The following CSMD1 variants were observed in gnomAD, a reference collection of about 807,000 sequenced individuals.
CSMD1 encodes CUB and sushi domain-containing protein 1.
A neutral mutation model predicts 417.5 loss-of-function variants in CSMD1; 213 were observed. The ratio of observed to expected loss-of-function variants is 0.51; its 90% CI spans 0.46 to 0.57. The LOEUF is 0.57. Ranked by LOEUF, CSMD1 falls within the 20% of genes least tolerant of loss-of-function variation. The pLI, the probability that CSMD1 is intolerant of heterozygous loss-of-function variation, is 0.00. For missense variants in CSMD1, 6,923 were observed against 4,529.7 expected (o/e 1.53, Z -15.17); for synonymous variants, 2,862 against 1,736.8 (o/e 1.65, Z -16.11).
intron 23 of CSMD1, among the ~76,000 whole-genome samples, chr8:3,318,886 C>T (rs550486441): frequency 1.4e-4 from 21 of 152,248 alleles, no homozygotes; most frequent in South Asian, 4.2e-4. Context: ...TGACTGTAAA[C>T]TAACACAGGT....
chr8:3,949,881 A>G (rs917445615), intron 5 of CSMD1: 4 of 455,766 alleles, frequency 8.8e-6, no homozygotes, highest in East Asian at 7.0e-5. Flanking sequence ...TTCAGCCCCA[A>G]TTCAAGATTG....
intron 3 of CSMD1, among the ~76,000 whole-genome samples, chr8:4,038,225 A>C (rs1797715341): frequency 6.6e-6 from 1 of 152,170 alleles, no homozygotes; most frequent in South Asian, 2.1e-4. Flanking sequence ...TTTTGTAAAA[A>C]TTTTAATGGG....
chr8:4,441,094 G>GTTTTTTTTTTTTTT (rs1563176229), intron 2 of CSMD1, among the ~76,000 whole-genome samples: 1 of 27,074 alleles, frequency 3.7e-5, no homozygotes, highest in South Asian at 1.8e-3. Context: ...TTAATCAAAA[G>GTTTTTTTTTTTTTT]GTTTTTTTTT....
chr8:3,757,911 G>A (rs1020383327), intron 5 of CSMD1, among the ~76,000 whole-genome samples: 1 of 151,174 alleles, frequency 6.6e-6, no homozygotes, highest in Non-Finnish European at 1.5e-5. Context: ...AAGATAAACA[G>A]ATGATGCATA....
At chr8:3,245,391 C>A (rs1426952761) in intron 26 of CSMD1, among the ~76,000 whole-genome samples, 2 of 152,188 alleles carry the variant, frequency 1.3e-5, no homozygotes, top group Non-Finnish European at 2.9e-5. Context: ...GATAAAGGAC[C>A]AGACTTTTCC....
At chr8:3,640,011 T>C (rs1220701652) in intron 7 of CSMD1, among the ~76,000 whole-genome samples, 1 of 152,204 alleles carries the variant, frequency 6.6e-6, no homozygotes. Flanking sequence ...AGGTGCTCAA[T>C]AAATGTTTGT....
In CSMD1 at chr8:3,796,590, GATAT is replaced by G. The variant is rs1487476806; in HGVS notation, c.819-42552_819-42549del. 3.1e-4 allele frequency among the ~76,000 whole-genome samples: 44 copies of G among 143,348 alleles called. 1 individual carries two copies. Among genetic ancestry groups the G allele is most frequent in the Admixed American group, 2.6e-3 (36 of 14,046 alleles). The allele number at this position is 143,348 out of a possible 152,430, so 94.0% of individuals were successfully genotyped here. ...ATCTATATCTAAGATATAATATATA[GATAT>G]ATATCTATAATGTATAGATGTATAG... On this transcript the variant is annotated intron_variant, in intron 5 of 69. Transcript: ENST00000635120.
At chr8:3,220,682 T>G (rs1798157168) in intron 28 of CSMD1, among the ~76,000 whole-genome samples, 1 of 151,936 alleles carries the variant, frequency 6.6e-6, no homozygotes, top group African/African-American at 2.4e-5. Context: ...AATACAAAAA[T>G]TAGCAGAGCA....
At chr8:4,974,713 C>T (rs1011735881) in intron 1 of CSMD1, among the ~76,000 whole-genome samples, 1 of 152,134 alleles carries the variant, frequency 6.6e-6, no homozygotes, top group African/African-American at 2.4e-5. Context: ...CGAAGGATAA[C>T]ACCTTTGGTC....
chr8:4,022,576 C>G lies in CSMD1; in HGVS notation c.610+9329G>C, dbSNP rs188481707. Among the ~76,000 whole-genome samples, 331 of 152,182 alleles carry G rather than the reference C, an allele frequency of 2.2e-3. 3 individuals carry two copies. The highest frequency in any genetic ancestry group is 0.01 in the Middle Eastern group (3 of 294). On this transcript the variant is annotated intron_variant, in intron 4 of 69. Transcript: ENST00000635120. ...TGAAACAGGGTGTGCATTGAGGGCA[C>G]GAGTAAAGAGAAGCCTCCAAGTTAC...
intron 3 of CSMD1, among the ~76,000 whole-genome samples, chr8:4,231,423 C>T (rs541926115): frequency 1.8e-4 from 28 of 152,244 alleles, no homozygotes; most frequent in African/African-American, 5.8e-4. Context: ...ACAAAAATTA[C>T]GATAAAAGTG....
intron 1 of CSMD1, among the ~76,000 whole-genome samples, chr8:4,774,981 T>G (rs1334282829): frequency 1.3e-5 from 2 of 152,078 alleles, no homozygotes; most frequent in African/African-American, 4.8e-5. Flanking sequence ...TGTTTACAAA[T>G]TACCCAGCCT....
intron 10 of CSMD1, among the ~76,000 whole-genome samples, chr8:3,571,236 G>T (rs1326879346): frequency 1.3e-5 from 2 of 152,130 alleles, no homozygotes; most frequent in African/African-American, 4.8e-5. Flanking sequence ...CTAATTTCTG[G>T]TTTCCTCGGC....
intron 9 of CSMD1, among the ~76,000 whole-genome samples, chr8:3,576,649 G>A (rs981809713): frequency 2.6e-5 from 4 of 152,172 alleles, no homozygotes; most frequent in African/African-American, 7.2e-5. Context: ...CTGGGTTTCC[G>A]AAACTCAGTA....
chr8:3,532,169 G>C (rs138531255), intron 10 of CSMD1, among the ~76,000 whole-genome samples: 72 of 152,182 alleles, frequency 4.7e-4, no homozygotes, highest in African/African-American at 1.7e-3. Flanking sequence ...TTTCTCCTAT[G>C]AAATTTCTGC....
At chr8:4,910,499 C>G (rs940173290) in intron 1 of CSMD1, among the ~76,000 whole-genome samples, 1 of 152,158 alleles carries the variant, frequency 6.6e-6, no homozygotes, top group Non-Finnish European at 1.5e-5. Context: ...TAGAAGGCAC[C>G]TTCCCGCTGT....
At chr8:2,943,063 T>C (rs1244378236) in intron 68 of CSMD1, among the ~76,000 whole-genome samples, 2 of 152,168 alleles carry the variant, frequency 1.3e-5, no homozygotes, top group African/African-American at 4.8e-5. Context: ...ATTCTTCATA[T>C]GTGAATAGGA....
At chr8:3,510,112 C>CTCCATCTCTAAAAAAA (rs1563107092) in intron 10 of CSMD1, among the ~76,000 whole-genome samples, 1 of 149,674 alleles carries the variant, frequency 6.7e-6, no homozygotes, top group African/African-American at 2.6e-5. Flanking sequence ...CCAGCCTGAA[C>CTCCATCTCTAAAAAAA]ATAAGGACAT....
At chr8:3,467,855 C>A (rs1291609259) in intron 12 of CSMD1, among the ~76,000 whole-genome samples, 1 of 152,148 alleles carries the variant, frequency 6.6e-6, no homozygotes, top group Non-Finnish European at 1.5e-5. Context: ...TTTTTCAGCT[C>A]CTAAAACTAT....
Sources: gnomAD v4.1 joint callset for allele counts (sites outside exome capture counted in the v4.1 genomes callset) on GRCh38, gnomAD v4.1.1 for gene constraint, MANE v1.5 for transcripts, NCBI Gene and HGNC (gene_info 2026-07-23, HGNC 2026-07-21) for gene names.